The following TSPAN14 variants were observed in gnomAD, a reference collection of about 807,000 sequenced individuals.
TSPAN14 encodes tetraspanin-14.
Under a neutral mutation model 36.6 loss-of-function variants are expected in TSPAN14, and 16 were observed. The ratio of observed to expected loss-of-function variants is 0.44; its 90% CI spans 0.30 to 0.66. The LOEUF (loss-of-function observed/expected upper bound fraction) is 0.66, where lower values mean the gene tolerates loss of function less well. TSPAN14 is among the 30% of genes least tolerant of loss of function. TSPAN14 has a pLI of 0.12. For synonymous variants in TSPAN14, 139 were observed against 143.8 expected (o/e 0.97, Z 0.24); for missense variants, 231 against 355.1 (o/e 0.65, Z 2.81).
chr10:80,500,488 C>T (rs1221866817), intron 2 of TSPAN14, among the ~76,000 whole-genome samples: 2 of 151,852 alleles, frequency 1.3e-5, no homozygotes, highest in Non-Finnish European at 2.9e-5. Context: ...TGCCACCACG[C>T]TCGGCTAATT....
chr10:80,485,854 A>G (rs189770180), intron 1 of TSPAN14, among the ~76,000 whole-genome samples: 38 of 152,324 alleles, frequency 2.5e-4, no homozygotes, highest in African/African-American at 8.4e-4. Flanking sequence ...TGTCACTGGG[A>G]CAGCCCCACC....
At chr10:80,504,802 C>G in intron 3 of TSPAN14, 24 bp downstream of exon 3, 1 of 1,614,090 alleles carries the variant, frequency 6.2e-7, no homozygotes. Context: ...TCGCAGGACA[C>G]TGAGCTTCAG....
At chr10:80,516,023 C>T (rs1228989275) in intron 7 of TSPAN14, 181 bp from the exon 8 acceptor site, 2 of 840,824 alleles carry the variant, frequency 2.4e-6, no homozygotes, top group Non-Finnish European at 3.6e-6. Flanking sequence ...GGCACAGTGC[C>T]CAGCGAGGGG....
intron 1 of TSPAN14, among the ~76,000 whole-genome samples, chr10:80,474,105 C>T (rs1212861807): frequency 6.6e-6 from 1 of 152,078 alleles, no homozygotes; most frequent in Non-Finnish European, 1.5e-5. Context: ...GTCTAGGCCC[C>T]AGGTGCTACT....
intron 1 of TSPAN14, among the ~76,000 whole-genome samples, chr10:80,465,735 G>A (rs954506023): frequency 6.6e-6 from 1 of 152,222 alleles, no homozygotes; most frequent in African/African-American, 2.4e-5. Context: ...AGGCACAAAG[G>A]ATGCTCGTTC....
exon 9 of TSPAN14, chr10:80,519,969 C>G (rs1841169044): frequency 6.6e-6 from 1 of 152,452 alleles, no homozygotes; most frequent in Admixed American, 6.5e-5. Context: ...TTTCTGTCCA[C>G]CCCTGTGCGA....
At chr10:80,479,684 T>G (rs1287681905) in intron 1 of TSPAN14, among the ~76,000 whole-genome samples, 1 of 152,164 alleles carries the variant, frequency 6.6e-6, no homozygotes, top group Admixed American at 6.5e-5. Context: ...CATGCTGTTT[T>G]GGTTACTGTA....
At chr10:80,468,428 C>T (rs1304472052) in intron 1 of TSPAN14, 2 of 152,184 alleles carry the variant, frequency 1.3e-5, no homozygotes, top group Admixed American at 6.5e-5. Context: ...CAAACAAATC[C>T]CAAAATTAAA....
chr10:80,466,457 T>A (rs1846254830), intron 1 of TSPAN14: 1 of 152,206 alleles, frequency 6.6e-6, no homozygotes, highest in Non-Finnish European at 1.5e-5. Flanking sequence ...ACTCTTGCAA[T>A]GTTGCCTTGG....
intron 1 of TSPAN14, among the ~76,000 whole-genome samples, chr10:80,484,247 A>C (rs1847471434): frequency 6.6e-6 from 1 of 152,188 alleles, no homozygotes; most frequent in Non-Finnish European, 1.5e-5. Flanking sequence ...GTTTAAAAAA[A>C]AAAAAAGTGT....
chr10:80,490,444 C>T (rs982519148), intron 2 of TSPAN14, among the ~76,000 whole-genome samples: 16 of 152,222 alleles, frequency 1.1e-4, no homozygotes, highest in African/African-American at 3.4e-4. Context: ...TGGCTGAGAG[C>T]GAGTGGCCTG....
In TSPAN14 at chr10:80,509,356, C is replaced by T. The variant is rs1840482947; in HGVS notation, c.335C>T (p.Ala112Val). The T allele has an allele frequency of 6.2e-7, 1 of 1,614,170 alleles. No individual in the cohort carries two copies. Among genetic ancestry groups the T allele is most frequent in the East Asian group, 2.2e-5 (1 of 44,872 alleles). ...CTGGAGCTGGCTGTGGCCGTGCTGG[C>T]CTTCCTGTTCCAGGACTGGGTGAGG... The change falls in exon 5 of 9, where the codon GCC becomes GTC. Residue 112 changes from alanine to valine, a missense_variant. Physicochemically the swap from Ala to Val is moderately conservative, Grantham distance 64. Coordinates refer to ENST00000429989, the Ensembl canonical transcript of TSPAN14. This position sits in a 1 kb window ranked among gnomAD's most constrained non-coding sequence, Gnocchi z 4.7.
At chr10:80,504,145 T>C (rs981180808) in intron 2 of TSPAN14, among the ~76,000 whole-genome samples, 1 of 152,182 alleles carries the variant, frequency 6.6e-6, no homozygotes, top group Non-Finnish European at 1.5e-5. Flanking sequence ...CCCTGCTCAT[T>C]GTAGTTAACA....
chr10:80,504,913 C>A, intron 3 of TSPAN14, 135 bp downstream of exon 3: 1 of 948,516 alleles, frequency 1.1e-6, no homozygotes, highest in Admixed American at 2.0e-5. Context: ...AATTGTCAAT[C>A]TTTACAGACA....
At chr10:80,489,048 T>A (rs954263857) in intron 1 of TSPAN14, among the ~76,000 whole-genome samples, 169 bp from the exon 2 acceptor site, 1 of 152,236 alleles carries the variant, frequency 6.6e-6, no homozygotes, top group East Asian at 1.9e-4. Flanking sequence ...TGATTTAACC[T>A]GAGTTTTGCA....
chr10:80,454,782 C>G (rs2131941234), intron 1 of TSPAN14, among the ~76,000 whole-genome samples: 1 of 152,256 alleles, frequency 6.6e-6, no homozygotes, highest in Admixed American at 6.5e-5. Context: ...CAGCAGCGAG[C>G]TCGGGGATGG....
chr10:80,498,328 A>G (rs1399336443), intron 2 of TSPAN14, among the ~76,000 whole-genome samples: 2 of 152,024 alleles, frequency 1.3e-5, no homozygotes, highest in African/African-American at 2.4e-5. Flanking sequence ...CTTGCTGCTT[A>G]TTTTGCTGAT....
At chr10:80,476,577 G>A (rs1452933084) in intron 1 of TSPAN14, among the ~76,000 whole-genome samples, 2 of 151,632 alleles carry the variant, frequency 1.3e-5, no homozygotes, top group Non-Finnish European at 2.9e-5. Flanking sequence ...TACCACACCC[G>A]GCTAATTTTT....
In TSPAN14 at chr10:80,499,090, C is replaced by T. The variant is rs140127942; in HGVS notation, c.82-5638C>T. 9.1e-4 allele frequency among the ~76,000 whole-genome samples: 139 copies of T among 152,314 alleles called. 2 individuals are homozygous for T. In the Middle Eastern group the frequency reaches 0.024, roughly 26 times the overall value. On this transcript the variant is annotated intron_variant, in intron 2 of 8. Coordinates refer to ENST00000429989, the Ensembl canonical transcript of TSPAN14. ...AGGAGTTGCCAAGTACTTTTATACA[C>T]GCTTAAATGAAATCTTGCAAGGAGC...
Sources: gnomAD v4.1 joint callset for allele counts (sites outside exome capture counted in the v4.1 genomes callset) on GRCh38, gnomAD v4.1.1 for gene constraint, Gnocchi (gnomAD v3.1) non-coding constraint, MANE v1.5 for transcripts, NCBI Gene and HGNC (gene_info 2026-07-23, HGNC 2026-07-21) for gene names.